The following GMPPA variants were observed in gnomAD, a reference collection of about 807,000 sequenced individuals.
The protein encoded by GMPPA is GDP-mannose pyrophosphorylase A, also known as mannose-1-phosphate guanylyltransferase regulatory subunit alpha.
A neutral mutation model predicts 58.6 loss-of-function variants in GMPPA; 46 were observed. The observed-to-expected ratio is 0.78, with a 90% CI of 0.62 to 1.00. The LOEUF is 1.00. GMPPA is among the 50% of genes least tolerant of loss of function. The pLI is 0.00. For missense variants in GMPPA, 468 were observed against 556.4 expected (o/e 0.84, Z 1.60); for synonymous variants, 211 against 214.9 (o/e 0.98, Z 0.16).
chr2:219,502,614 G>T lies in GMPPA; in HGVS notation c.489+173G>T, dbSNP rs1168024401. Among the ~76,000 whole-genome samples, 2 of 151,954 alleles carry T rather than the reference G, an allele frequency of 1.3e-5. No homozygotes were observed. Among genetic ancestry groups the T allele is most frequent in the Non-Finnish European group, 2.9e-5 (2 of 67,958 alleles). On this transcript the variant is annotated intron_variant, in intron 6 of 12. Coordinates refer to ENST00000313597, the MANE Select transcript of GMPPA (RefSeq NM_013335.4). The surrounding 1 kb of genome is among the most constrained non-coding windows in gnomAD (Gnocchi z 4.0). ...TTTAAGAGAGATTGACCAGGGGGAG[G>T]GGGGGAATGGTTAATTTCCCTGGGG...
At position 219,506,224 on chromosome 2, in the gene GMPPA, C is replaced by G. The variant is rs757296974; in HGVS notation, c.994-30C>G. 3 of 1,586,408 alleles carry G rather than the reference C, an allele frequency of 1.9e-6. No individual in the cohort carries two copies. The East Asian group carries it at 6.8e-5, about 36-fold the overall frequency. ...CGGTTCCTGCTGCCTCCTGCCTCTT[C>G]CCCTTACCTTTCACTGTCCTCTTTG... On this transcript the variant is annotated intron_variant, in intron 11 of 12. Transcript: ENST00000313597.
In GMPPA at chr2:219,501,344, G is replaced by C. The variant is rs1694382868; in HGVS notation, c.139-132G>C. The stretch of plus-strand genomic sequence containing the variant: ...ATTGTCCAGAGGAGAAAATAGCCCA[G>C]AGTGGTGAGTGCCCTGGGGCCCCAC... On this transcript the variant is annotated intron_variant, in intron 3 of 12. Coordinates refer to ENST00000313597, the MANE Select transcript of GMPPA (RefSeq NM_013335.4). 2.2e-5 allele frequency: 15 copies of C among 671,894 alleles called. No homozygotes were observed. The Admixed American group carries it at 3.1e-4, about 14-fold the overall frequency. The allele number at this position is 671,894 out of a possible 1,614,324, so 41.6% of individuals were successfully genotyped here. A position where few individuals can be genotyped will look rare whatever the true frequency, so the allele number is the denominator to read the frequency against.
At position 219,505,174 on chromosome 2, in the gene GMPPA, C is replaced by T. The variant is rs1694533113; in HGVS notation, c.621-54C>T. ...CTGTCCCTGGGAGACTGTGTTAGCCCCACAGTCGGGGCTCAGCTGGGGGAC... is the reference window on the plus strand; with the variant it reads ...CTGTCCCTGGGAGACTGTGTTAGCCTCACAGTCGGGGCTCAGCTGGGGGAC... On this transcript the variant is annotated intron_variant, in intron 7 of 12. Coordinates refer to ENST00000313597, the MANE Select transcript of GMPPA (RefSeq NM_013335.4). The T allele has an allele frequency of 1.9e-6, 3 of 1,583,486 alleles. No individual in the cohort carries two copies. In the African/African-American group the frequency reaches 4.0e-5, roughly 21 times the overall value.
chr2:219,506,810 A>C lies in GMPPA; in HGVS notation c.*12A>C. ...AGATCATCCTCTGAGTAGGGCTGCC[A>C]GAAGGCCCCCAGCTCCTACCCACTC... is the stretch of plus-strand genomic sequence containing the variant. On this transcript the variant is annotated 3_prime_UTR_variant, in exon 13 of 13. Transcript: ENST00000313597. 7.7e-7 allele frequency: 1 copy of C among 1,295,746 alleles called. No individual in the cohort carries two copies. The highest frequency in any genetic ancestry group is 1.1e-6 in the Non-Finnish European group (1 of 889,654). The allele number at this position is 1,295,746 out of a possible 1,614,324, so 80.3% of individuals were successfully genotyped here.
At chr2:219,505,610 C>G (rs776373574) in intron 9 of GMPPA, 55 bp downstream of exon 9, 2 of 1,575,622 alleles carry the variant, frequency 1.3e-6, no homozygotes, top group Non-Finnish European at 1.7e-6. Context: ...CCCTCTGAAC[C>G]AGGATTCTTG....
intron 10 of GMPPA, 98 bp from the exon 11 acceptor site, chr2:219,505,882 C>G (rs1694569546): frequency 8.8e-7 from 1 of 1,135,798 alleles, no homozygotes; most frequent in Admixed American, 2.3e-5. Context: ...TGTGTGTCCT[C>G]GAGCAGGTCA....
At chr2:219,501,652 G>A (rs1694395770) in intron 4 of GMPPA, 73 bp downstream of exon 4, 1 of 1,027,964 alleles carries the variant, frequency 9.7e-7, no homozygotes, top group Non-Finnish European at 1.5e-6. Context: ...AGTGGGTTGA[G>A]TCAGCATTTG....
chr2:219,501,627 C>A, intron 4 of GMPPA, 48 bp downstream of exon 4: 1 of 1,202,850 alleles, frequency 8.3e-7, no homozygotes, highest in South Asian at 1.2e-5. Flanking sequence ...TGCCCTAGGC[C>A]TCTGAGTTCT....
intron 3 of GMPPA, chr2:219,501,254 C>A (rs1694378972): frequency 1.9e-6 from 1 of 539,244 alleles, no homozygotes; most frequent in African/African-American, 1.9e-5. Context: ...CAGAGCGAGA[C>A]CCTTTTTCAC....
intron 7 of GMPPA, 55 bp from the exon 8 acceptor site, chr2:219,505,173 C>T: frequency 6.3e-7 from 1 of 1,577,502 alleles, no homozygotes; most frequent in Non-Finnish European, 8.7e-7. Flanking sequence ...CTGTGTTAGC[C>T]CCACAGTCGG....
Position 219,502,181 on chromosome 2 carries a change from G to T in GMPPA, c.429+144G>T. On this transcript the variant is annotated intron_variant, in intron 5 of 12. Transcript: ENST00000313597. The surrounding 1 kb of genome is among the most constrained non-coding windows in gnomAD (Gnocchi z 4.0). ...GGGAGATGCGCTGCTCTGGCAGCAT[G>T]GAGGTGTTAGTGGAGACCCCGAGCC... 2.1e-6 allele frequency: 2 copies of T among 930,622 alleles called. No homozygotes were observed. Among genetic ancestry groups the T allele is most frequent in the East Asian group, 2.5e-5 (1 of 40,292 alleles). 57.6% of individuals were successfully genotyped at this position (930,622 alleles called of 1,614,324 possible).
chr2:219,504,081 A>G lies in GMPPA; in HGVS notation c.490-2A>G. On this transcript the variant is annotated splice_acceptor_variant, in intron 6 of 12. Transcript: ENST00000313597. LOFTEE classifies it high-confidence loss of function. Reference sequence around the variant, plus strand: ...ACTGAACCCAGCCTGCTCTGTCCTCAGGTATTGCACTATGTGGAGAAACCC... The same window carrying G: ...ACTGAACCCAGCCTGCTCTGTCCTCGGGTATTGCACTATGTGGAGAAACCC... 6.2e-7 allele frequency: 1 copy of G among 1,614,126 alleles called. No homozygotes were observed. The highest frequency in any genetic ancestry group is 8.5e-7 in the Non-Finnish European group (1 of 1,179,972).
chr2:219,505,522 G>A lies in GMPPA; in HGVS notation c.820G>A (p.Ala274Thr). ...CCAGGACACTCACCCAGAACGGCTG[G>A]CCAAGCACACCCCAGGGGGCCCATG... is the stretch of plus-strand genomic sequence containing the variant. ...RYQDTHPERL[A>T]KHTPGGPWIR... Residue 274 changes from alanine to threonine, a missense_variant, in exon 9 of 13, where the codon GCC becomes ACC. By Grantham distance (58) the Ala-to-Thr change is moderately conservative. Transcript: ENST00000313597. 6.4e-7 allele frequency: 1 copy of A among 1,572,234 alleles called. No homozygotes were observed. Among genetic ancestry groups the A allele is most frequent in the Non-Finnish European group, 8.6e-7 (1 of 1,158,696 alleles).
At chr2:219,499,019 C>T (rs1478701244) in intron 1 of GMPPA, 81 bp downstream of exon 1, 1 of 152,184 alleles carries the variant, frequency 6.6e-6, no homozygotes, top group Non-Finnish European at 1.5e-5. Context: ...CTCCGAGGTC[C>T]TGGCTGGCCC....
rs749971952 is a variant in GMPPA at position 219,502,399 on chromosome 2, C to T, written c.447C>T (p.Ser149=). The change falls in exon 6 of 13, where the codon TCC becomes TCT. Residue 149 remains serine (S), a synonymous_variant. Transcript: ENST00000313597. The surrounding 1 kb of genome is among the most constrained non-coding windows in gnomAD (Gnocchi z 4.0). ...TCTTTCAGGCTAACAGGACGCAATC[C>T]CTCAACTACGGCTGCATCGTTGAGA... ...LLGTTANRTQ[S]LNYGCIVENP... 21 of 1,613,802 alleles carry T rather than the reference C, an allele frequency of 1.3e-5. No homozygotes were observed. The Admixed American group carries it at 3.0e-4, about 23-fold the overall frequency.
Position 219,506,082 on chromosome 2 carries a change from A to C in GMPPA, c.993+10A>C, listed in dbSNP as rs1413625792. On this transcript the variant is annotated intron_variant, in intron 11 of 12. Transcript: ENST00000313597. ...TGGAGCCACTTTGCAGGTAGGTACC[A>C]GCATACACAGCAGCATGTGACACCC... 6.5e-7 allele frequency: 1 copy of C among 1,547,966 alleles called. No homozygotes were observed. The highest frequency in any genetic ancestry group is 8.8e-7 in the Non-Finnish European group (1 of 1,132,002).
Position 219,502,848 on chromosome 2 carries a change from C to T in GMPPA, c.489+407C>T, listed in dbSNP as rs1004906597. 6.6e-6 allele frequency among the ~76,000 whole-genome samples: 1 copy of T among 152,146 alleles called. No individual in the cohort carries two copies. The highest frequency in any genetic ancestry group is 6.5e-5 in the Admixed American group (1 of 15,278). The stretch of plus-strand genomic sequence containing the variant: ...AGGCCTGGAGGCAGGAAGTAACATA[C>T]CAGAAGCAGGAGCATGATAGGCAGG... On this transcript the variant is annotated intron_variant, in intron 6 of 12. Coordinates refer to ENST00000313597, the MANE Select transcript of GMPPA (RefSeq NM_013335.4). The surrounding 1 kb of genome is among the most constrained non-coding windows in gnomAD (Gnocchi z 4.0).
intron 6 of GMPPA, among the ~76,000 whole-genome samples, chr2:219,503,303 T>C (rs1027004353): frequency 6.6e-6 from 1 of 152,094 alleles, no homozygotes; most frequent in African/African-American, 2.4e-5. Flanking sequence ...TTTTGTATTT[T>C]TAGTAGAGAC....
rs747978512 is a variant in GMPPA at position 219,506,719 on chromosome 2, C to T, written c.1184C>T (p.Ala395Val). 6.2e-7 allele frequency: 1 copy of T among 1,603,090 alleles called. No individual in the cohort carries two copies. The highest frequency in any genetic ancestry group is 1.7e-5 in the Admixed American group (1 of 59,982). The change falls in exon 13 of 13, where the codon GCC becomes GTC. Residue 395 changes from alanine (A) to valine (V), a missense_variant. Coordinates refer to ENST00000313597, the MANE Select transcript of GMPPA (RefSeq NM_013335.4). ...TILGCRVRIP[A>V]EVLILNSIVL... is the part of the protein sequence containing the mutation. Reference sequence around the variant, plus strand: ...GCAGGCTGCCGAGTCCGGATCCCTGCCGAGGTGCTCATCCTGAACTCGATT... The same window carrying T: ...GCAGGCTGCCGAGTCCGGATCCCTGTCGAGGTGCTCATCCTGAACTCGATT...
Sources: gnomAD v4.1 joint callset for allele counts (sites outside exome capture counted in the v4.1 genomes callset) on GRCh38, gnomAD v4.1.1 for gene constraint, Gnocchi (gnomAD v3.1) non-coding constraint, MANE v1.5 for transcripts, NCBI Gene and HGNC (gene_info 2026-07-23, HGNC 2026-07-21) for gene names.